CCDC171: variants seen among roughly 807,000 people sequenced by gnomAD.
CCDC171 encodes the protein coiled-coil domain-containing protein 171.
Under a neutral mutation model 168.2 loss-of-function variants are expected in CCDC171, and 177 were observed. That is an observed-to-expected ratio of 1.05 (90% CI 0.93 to 1.19). The LOEUF (loss-of-function observed/expected upper bound fraction) is 1.19. Ranked by LOEUF, CCDC171 falls within the 50% of genes most tolerant of loss-of-function variation. The pLI is 0.00. For synonymous variants in CCDC171, 687 were observed against 540.8 expected (o/e 1.27, Z -3.75); for missense variants, 1,991 against 1,539.0 (o/e 1.29, Z -4.91).
chr9:15,599,030 G>T lies in CCDC171; in HGVS notation c.675+4858G>T, dbSNP rs186706755. Among the ~76,000 whole-genome samples, 49 of 152,110 alleles carry T rather than the reference G, an allele frequency of 3.2e-4. No individual in the cohort carries two copies. In the East Asian group the frequency reaches 9.5e-3, roughly 29 times the overall value. On this transcript the variant is annotated intron_variant, in intron 6 of 25. Transcript: ENST00000380701. The stretch of plus-strand genomic sequence containing the variant: ...ATCTTCCTCCATCGCTTTATTTTGA[G>T]CCTATGTGTGTCTCTGCATGTGAGA...
intron 25 of CCDC171, among the ~76,000 whole-genome samples, chr9:15,934,848 G>A (rs927035697): frequency 2.0e-5 from 3 of 152,018 alleles, no homozygotes; most frequent in South Asian, 2.1e-4. Flanking sequence ...GCACTGATAC[G>A]TGTTACAACA....
chr9:15,752,051 AC>A (rs1229512676), intron 18 of CCDC171, among the ~76,000 whole-genome samples: 1 of 152,194 alleles, frequency 6.6e-6, no homozygotes, highest in East Asian at 1.9e-4. Flanking sequence ...AAGAACTTAA[AC>A]AAATTTACAA....
At chr9:15,832,539 A>G (rs1320063161) in intron 21 of CCDC171, among the ~76,000 whole-genome samples, 2 of 152,228 alleles carry the variant, frequency 1.3e-5, no homozygotes, top group Non-Finnish European at 2.9e-5. Context: ...ACACAGTGGT[A>G]AGGATTTGTG....
intron 3 of CCDC171, among the ~76,000 whole-genome samples, chr9:16,008,890 C>T (rs369821016): frequency 3.9e-5 from 6 of 152,194 alleles, no homozygotes; most frequent in Non-Finnish European, 7.3e-5. Context: ...CCCACCCTAG[C>T]CCTCTGGCCA....
rs1831541385 is a variant in CCDC171, at chr9:15,973,852, G to A, written c.*2016G>A. On this transcript the variant is annotated 3_prime_UTR_variant, in exon 26 of 26. Transcript: ENST00000380701. ...CTAGAGAAGAACAAGGTTACTATAT[G>A]TAACCTCTATGTCTAAGTGTTTGTG... is the stretch of plus-strand genomic sequence containing the variant. 1 of 152,088 alleles carries A rather than the reference G, an allele frequency of 6.6e-6. No individual in the cohort carries two copies. Among genetic ancestry groups the A allele is most frequent in the Non-Finnish European group, 1.5e-5 (1 of 68,000 alleles). The allele number at this position is 152,088 out of a possible 1,614,324, so 9.4% of individuals were successfully genotyped here.
chr9:15,769,684 C>T lies in CCDC171; in HGVS notation c.2672-7916C>T, dbSNP rs985998226. Among the ~76,000 whole-genome samples, 114 of 152,276 alleles carry T rather than the reference C, an allele frequency of 7.5e-4. 1 individual carries two copies. The highest frequency in any genetic ancestry group is 2.5e-3 in the African/African-American group (105 of 41,554). On this transcript the variant is annotated intron_variant, in intron 18 of 25. Transcript: ENST00000380701. The stretch of plus-strand genomic sequence containing the variant: ...CTTACATGGCAAGTCATCATAGTCT[C>T]CCCCGTACCAACGGATGCTGGTGCA...
chr9:15,838,348 A>G (rs1433110569), intron 21 of CCDC171, among the ~76,000 whole-genome samples: 6 of 152,188 alleles, frequency 3.9e-5, no homozygotes. Flanking sequence ...GAAGGTTTAA[A>G]TGAGCTATGA....
intron 24 of CCDC171, among the ~76,000 whole-genome samples, chr9:15,887,336 A>G (rs980436825): frequency 6.6e-6 from 1 of 152,180 alleles, no homozygotes; most frequent in Admixed American, 6.6e-5. Flanking sequence ...ATGGTTTAGA[A>G]AGTACTTTTC....
chr9:15,847,604 G>C (rs2060954862), intron 22 of CCDC171, among the ~76,000 whole-genome samples: 1 of 152,010 alleles, frequency 6.6e-6, no homozygotes, highest in Non-Finnish European at 1.5e-5. Context: ...TTTTCAAGGA[G>C]TAAAGAAACA....
At chr9:15,666,776 G>T (rs2048767339) in intron 9 of CCDC171, among the ~76,000 whole-genome samples, 1 of 152,126 alleles carries the variant, frequency 6.6e-6, no homozygotes, top group African/African-American at 2.4e-5. Flanking sequence ...AGTGAGCTAT[G>T]ATCTAAGGCT....
chr9:15,896,088 C>T lies in CCDC171; in HGVS notation c.3600+21425C>T, dbSNP rs558892943. Among the ~76,000 whole-genome samples, 5 of 151,994 alleles carry T rather than the reference C, an allele frequency of 3.3e-5. No individual in the cohort carries two copies. In the South Asian group the frequency reaches 8.3e-4, roughly 25 times the overall value. ...TGTTGGTTTTTTTCTATGTAATTGT[C>T]CCTTTGCTCTTTCTTTACAGTAATC... On this transcript the variant is annotated intron_variant, in intron 24 of 25. Transcript: ENST00000380701.
chr9:16,094,075 T>C, the CCDC171 span, among the ~76,000 whole-genome samples: 1 of 152,086 alleles, frequency 6.6e-6, no homozygotes, highest in Non-Finnish European at 1.5e-5. Flanking sequence ...GGAGGCATAG[T>C]AAGAGGTTGG....
intron 3 of CCDC171, among the ~76,000 whole-genome samples, chr9:15,985,753 C>T (rs1054786324): frequency 6.6e-6 from 1 of 152,114 alleles, no homozygotes; most frequent in Non-Finnish European, 1.5e-5. Context: ...CTGATCTTCC[C>T]ATGAGAGGCA....
At position 15,594,169 on chromosome 9, in the gene CCDC171, A is replaced by G. The variant is rs149158061; in HGVS notation, c.672A>G (p.Val224=). ...AAAGAAGAGAATTACAATTTATAGT[A>G]CAGGTATTTTAAAAATAATCAGTTC... ...EAERRELQFI[V]QEQDTAVQNM... Residue 224 remains valine (V), a synonymous_variant, in exon 6 of 26, where the codon GTA becomes GTG. Coordinates refer to ENST00000380701, the MANE Select transcript of CCDC171 (RefSeq NM_173550.4). 8.0e-6 allele frequency: 11 copies of G among 1,376,176 alleles called. No homozygotes were observed. In the South Asian group the frequency reaches 1.0e-4, roughly 13 times the overall value. 85.2% of individuals were successfully genotyped at this position (1,376,176 alleles called of 1,614,324 possible). A position where few individuals can be genotyped will look rare whatever the true frequency, so the allele number is the denominator to read the frequency against.
chr9:15,777,004 A>G (rs924110092), intron 18 of CCDC171, among the ~76,000 whole-genome samples: 1 of 152,252 alleles, frequency 6.6e-6, no homozygotes, highest in African/African-American at 2.4e-5. Context: ...ATTAACCATT[A>G]TCTGGAATAC....
rs764106605 is a variant in CCDC171, at chr9:15,846,743, A to T, written c.3309A>T (p.Gln1103His). The T allele has an allele frequency of 2.5e-6, 4 of 1,613,056 alleles. No homozygotes were observed. The East Asian group carries it at 8.9e-5, about 36-fold the overall frequency. Residue 1103 changes from glutamine (Q) to histidine (H), a missense_variant, in exon 22 of 26, where the codon CAA (glutamine) becomes CAT (histidine). Coordinates refer to ENST00000380701, the MANE Select transcript of CCDC171 (RefSeq NM_173550.4). Reference sequence around the variant, plus strand: ...AGATGGAGCTGAGAAGAAAAGATCAATCTCTGCGTCAGCTCAATAGACATC... The same window carrying T: ...AGATGGAGCTGAGAAGAAAAGATCATTCTCTGCGTCAGCTCAATAGACATC... ...EAKMELRRKD[Q>H]SLRQLNRHLT...
At chr9:15,752,534 A>G (rs1420049935) in intron 18 of CCDC171, among the ~76,000 whole-genome samples, 1 of 152,244 alleles carries the variant, frequency 6.6e-6, no homozygotes, top group East Asian at 1.9e-4. Flanking sequence ...AAAATGTGGC[A>G]TATGTACACC....
chr9:15,588,912 G>A (rs865998018), intron 4 of CCDC171, among the ~76,000 whole-genome samples: 15 of 151,834 alleles, frequency 9.9e-5, no homozygotes, highest in South Asian at 2.1e-4. Context: ...GGGTTTCACC[G>A]TGTTAGCCAG....
intron 3 of CCDC171, among the ~76,000 whole-genome samples, chr9:15,993,065 G>T (rs1832251912): frequency 6.6e-6 from 1 of 152,160 alleles, no homozygotes. Flanking sequence ...AGCTACCAAT[G>T]ACTGTCTTCA....
Sources: allele counts gnomAD v4.1 joint callset (sites outside exome capture counted in the v4.1 genomes callset), GRCh38; gene constraint gnomAD v4.1.1; transcripts MANE v1.5; gene names NCBI Gene and HGNC (gene_info 2026-07-23, HGNC 2026-07-21).